Variants in SAP130 observed in about 807,000 individuals in gnomAD.
SAP130 encodes the protein Sin3A associated protein 130.
Under a neutral mutation model 103.2 loss-of-function variants are expected in SAP130, and 16 were observed. The observed-to-expected ratio is 0.16, with a 90% CI of 0.10 to 0.24. SAP130 has a LOEUF of 0.24. Ranked by LOEUF, SAP130 falls within the 10% of genes least tolerant of loss-of-function variation. SAP130 has a pLI of 1.00. For missense variants in SAP130, 990 were observed against 1,359.7 expected (o/e 0.73, Z 4.28); for synonymous variants, 477 against 497.0 (o/e 0.96, Z 0.53).
chr2:127,964,511 A>G (rs1177450692), intron 15 of SAP130, among the ~76,000 whole-genome samples: 1 of 150,928 alleles, frequency 6.6e-6, no homozygotes, highest in Non-Finnish European at 1.5e-5. Context: ...AAAAAAAAAA[A>G]AAAAAAAGTA....
In SAP130 at chr2:127,999,753, T is replaced by A; in HGVS notation, c.1201A>T (p.Asn401Tyr). 6.6e-7 allele frequency: 1 copy of A among 1,513,728 alleles called. No individual in the cohort carries two copies. Among genetic ancestry groups the A allele is most frequent in the Non-Finnish European group, 8.8e-7 (1 of 1,133,262 alleles). The allele number at this position is 1,513,728 out of a possible 1,614,324, so 93.8% of individuals were successfully genotyped here. A position where few individuals can be genotyped will look rare whatever the true frequency, so the allele number is the denominator to read the frequency against. ...SSHATAVTTS[N>Y]IPVAKVVPQQ... ...GCAGGCCACTTACCGACTGGGATGT[T>A]TGAGGTGGTCACAGCAGTAGCATGG... Residue 401 changes from asparagine to tyrosine, a missense_variant, in exon 10 of 21, where the codon AAC (asparagine) becomes TAC (tyrosine). Transcript: ENST00000643581.
At chr2:127,987,630 T>C (rs768884685) in intron 13 of SAP130, among the ~76,000 whole-genome samples, 25 of 152,122 alleles carry the variant, frequency 1.6e-4, no homozygotes, top group Non-Finnish European at 3.4e-4. Flanking sequence ...ATCATTGTAA[T>C]TTCCATTTTA....
intron 19 of SAP130, among the ~76,000 whole-genome samples, chr2:127,944,575 G>A (rs1311719911): frequency 1.3e-5 from 2 of 151,900 alleles, no homozygotes; most frequent in Non-Finnish European, 2.9e-5. Context: ...CATTACAGGC[G>A]CCTGCCACCA....
At chr2:127,997,565 C>T (rs1683256610) in intron 10 of SAP130, among the ~76,000 whole-genome samples, 1 of 152,204 alleles carries the variant, frequency 6.6e-6, no homozygotes, top group South Asian at 2.1e-4. Context: ...CATCTGACCA[C>T]TGAAGATCGC....
At chr2:127,970,455 A>C (rs1680998993) in intron 15 of SAP130, among the ~76,000 whole-genome samples, 1 of 147,220 alleles carries the variant, frequency 6.8e-6, no homozygotes, top group Non-Finnish European at 1.5e-5. Flanking sequence ...GCAGGAGAAT[A>C]ACTTGAACCA....
At chr2:127,945,192 A>T (rs971183903) in intron 19 of SAP130, among the ~76,000 whole-genome samples, 1 of 152,218 alleles carries the variant, frequency 6.6e-6, no homozygotes, top group Non-Finnish European at 1.5e-5. Context: ...ACAATATCAC[A>T]TAACACTGAA....
intron 2 of SAP130, among the ~76,000 whole-genome samples, chr2:128,018,337 CAA>C (rs1431391834): frequency 7.1e-6 from 1 of 139,952 alleles, no homozygotes; most frequent in African/African-American, 2.7e-5. Flanking sequence ...AAAAACAAAC[CAA>C]AAACCAAAAA....
intron 2 of SAP130, among the ~76,000 whole-genome samples, chr2:128,024,631 A>C (rs552987081): frequency 2.7e-4 from 41 of 151,222 alleles, no homozygotes; most frequent in Non-Finnish European, 4.4e-4. Context: ...GAGGCCAAGG[A>C]GGGTGGATCA....
chr2:127,973,873 A>G (rs1480169788), intron 15 of SAP130, among the ~76,000 whole-genome samples: 1 of 152,108 alleles, frequency 6.6e-6, no homozygotes, highest in South Asian at 2.1e-4. Context: ...CAGGAGTTCC[A>G]GACCAGCCTG....
intron 1 of SAP130, chr2:128,027,393 A>T: frequency 8.8e-7 from 1 of 1,137,454 alleles, no homozygotes; most frequent in Non-Finnish European, 1.1e-6. Context: ...CTGCACGTTC[A>T]GAGCCCGCCC....
rs1407562189 is a variant in SAP130 at position 127,959,113 on chromosome 2, G to A, written c.2064-3769C>T. On this transcript the variant is annotated intron_variant, in intron 15 of 20. Coordinates refer to ENST00000643581, the MANE Select transcript of SAP130 (RefSeq NM_001330301.2). Reference sequence around the variant, plus strand: ...GTGTTATATATAAACCAAGCACAACGAGCTGCTGAAAAGTGAGGAGAAAAA... The same window carrying A: ...GTGTTATATATAAACCAAGCACAACAAGCTGCTGAAAAGTGAGGAGAAAAA... Among the ~76,000 whole-genome samples, 4 of 152,048 alleles carry A rather than the reference G, an allele frequency of 2.6e-5. No individual in the cohort carries two copies. In the East Asian group the frequency reaches 7.7e-4, roughly 29 times the overall value.
chr2:128,002,279 C>T lies in SAP130; in HGVS notation c.870-1825G>A, dbSNP rs115666605. Among the ~76,000 whole-genome samples the T allele has an allele frequency of 4.6e-3, 698 of 152,228 alleles. 6 individuals carry two copies. The highest frequency in any genetic ancestry group is 0.016 in the African/African-American group (649 of 41,542). ...AGATTTTAAAACAGGTGGTGGCTCACGTCTGTAATCCTAGCATTTTGGGAG... is the reference window on the plus strand; with the variant it reads ...AGATTTTAAAACAGGTGGTGGCTCATGTCTGTAATCCTAGCATTTTGGGAG... On this transcript the variant is annotated intron_variant, in intron 7 of 20. Coordinates refer to ENST00000643581, the MANE Select transcript of SAP130 (RefSeq NM_001330301.2).
intron 2 of SAP130, 69 bp from the exon 3 acceptor site, chr2:128,017,984 A>T: frequency 7.9e-7 from 1 of 1,272,048 alleles, no homozygotes; most frequent in Non-Finnish European, 1.1e-6. Context: ...CACAGACAAG[A>T]GTGGTACCTG....
chr2:127,941,514 G>A lies in SAP130; in HGVS notation c.*492C>T. 6.4e-6 allele frequency: 1 copy of A among 155,198 alleles called. No individual in the cohort carries two copies. Among genetic ancestry groups the A allele is most frequent in the Admixed American group, 6.5e-5 (1 of 15,312 alleles). 9.6% of individuals were successfully genotyped at this position (155,198 alleles called of 1,614,324 possible). ...ATGTGGCAGCTCGCTTGGTGCCGTGGCACTGCTGTAAAAGGCCAACATGGG... is the reference window on the plus strand; with the variant it reads ...ATGTGGCAGCTCGCTTGGTGCCGTGACACTGCTGTAAAAGGCCAACATGGG... On this transcript the variant is annotated 3_prime_UTR_variant, in exon 21 of 21. Coordinates refer to ENST00000643581, the MANE Select transcript of SAP130 (RefSeq NM_001330301.2).
At chr2:127,973,394 G>A (rs1427064077) in intron 15 of SAP130, among the ~76,000 whole-genome samples, 2 of 152,058 alleles carry the variant, frequency 1.3e-5, no homozygotes, top group Non-Finnish European at 2.9e-5. Context: ...CACCACGCTC[G>A]GCTAATTTTG....
At position 127,986,956 on chromosome 2, in the gene SAP130, A is replaced by G; in HGVS notation, c.1787T>C (p.Val596Ala). 3 of 1,612,264 alleles carry G rather than the reference A, an allele frequency of 1.9e-6. No individual in the cohort carries two copies. The highest frequency in any genetic ancestry group is 2.5e-6 in the Non-Finnish European group (3 of 1,178,450). ...PQPEGKTSAV[V>A]LADGATIVAN... ...CACAATTGTGGCTCCATCTGCCAAC[A>G]CCACTGCTACAGGAGAGAGGCAACA... Residue 596 changes from valine to alanine, a missense_variant, in exon 14 of 21, where the codon GTG becomes GCG. Around this residue, in one of 6 missense-constraint regions of SAP130, gnomAD observed 349 missense variants for 384.1 expected, o/e 0.91. Coordinates refer to ENST00000643581, the MANE Select transcript of SAP130 (RefSeq NM_001330301.2). The surrounding 1 kb of genome is among the most constrained non-coding windows in gnomAD (Gnocchi z 4.7).
intron 6 of SAP130, 22 bp downstream of exon 6, chr2:128,013,008 T>A: frequency 6.3e-7 from 1 of 1,595,450 alleles, no homozygotes. Context: ...AGGCCCTTAA[T>A]GCACCCCAGG....
chr2:127,947,134 C>A (rs1679144068), intron 18 of SAP130, among the ~76,000 whole-genome samples: 2 of 151,522 alleles, frequency 1.3e-5, no homozygotes, highest in Non-Finnish European at 2.9e-5. Flanking sequence ...CCAGGAACAC[C>A]AAAGATCGCT....
chr2:128,021,066 T>TGAG (rs1685117933), intron 2 of SAP130, among the ~76,000 whole-genome samples: 1 of 152,172 alleles, frequency 6.6e-6, no homozygotes, highest in Non-Finnish European at 1.5e-5. Flanking sequence ...GATGGGCTTT[T>TGAG]AGGTTATTTC....
Sources: gnomAD v4.1 joint callset for allele counts (sites outside exome capture counted in the v4.1 genomes callset) on GRCh38, gnomAD v4.1.1 for gene constraint, gnomAD v4.1.1 regional missense constraint, Gnocchi (gnomAD v3.1) non-coding constraint, MANE v1.5 for transcripts, NCBI Gene and HGNC (gene_info 2026-07-23, HGNC 2026-07-21) for gene names.